ARHGAP6: variants seen among roughly 807,000 people sequenced by gnomAD.
The protein encoded by ARHGAP6 is rho GTPase-activating protein 6.
ARHGAP6 carries 16 observed loss-of-function variants against 55.7 expected under a neutral mutation model. The ratio of observed to expected loss-of-function variants is 0.29; its 90% confidence interval spans 0.19 to 0.44. The LOEUF (loss-of-function observed/expected upper bound fraction) is 0.44. Among genes scored for constraint, ARHGAP6 ranks in the 20% least tolerant of loss-of-function variants. The pLI is 1.00. For synonymous variants in ARHGAP6, 382 were observed against 360.9 expected (o/e 1.06, Z -0.66); for missense variants, 698 against 808.9 (o/e 0.86, Z 1.66).
chrX:11,227,549 C>A (rs1296443469), intron 2 of ARHGAP6, among the ~76,000 whole-genome samples: 1 of 111,079 alleles, frequency 9.0e-6, no homozygotes, highest in Non-Finnish European at 1.9e-5. Flanking sequence ...CTTCCTAACA[C>A]TCTCCCCTTT....
chrX:11,274,860 T>C (rs1310648152), intron 1 of ARHGAP6, among the ~76,000 whole-genome samples: 3 of 111,712 alleles, frequency 2.7e-5, no homozygotes, highest in African/African-American at 9.8e-5. Flanking sequence ...TAAAACTATG[T>C]TTGTGACATC....
intron 1 of ARHGAP6, among the ~76,000 whole-genome samples, chrX:11,579,370 A>G (rs902548546): frequency 8.0e-5 from 9 of 111,898 alleles, no homozygotes; most frequent in Non-Finnish European, 1.7e-4. Context: ...TGTTATCTGC[A>G]TGGTGATACT....
intron 1 of ARHGAP6, among the ~76,000 whole-genome samples, chrX:11,513,193 C>G (rs2050801304): frequency 9.0e-6 from 1 of 111,398 alleles, no homozygotes; most frequent in Non-Finnish European, 1.9e-5. Context: ...TAGGGCCCAG[C>G]TCTTAGAATA....
At chrX:11,202,070 A>C (rs1481009101) in intron 2 of ARHGAP6, among the ~76,000 whole-genome samples, 1 of 101,023 alleles carries the variant, frequency 9.9e-6, no homozygotes, top group African/African-American at 3.7e-5. Context: ...GGAAATACTC[A>C]GCAAGTATTG....
At chrX:11,271,891 T>C (rs2047697820) in intron 1 of ARHGAP6, among the ~76,000 whole-genome samples, 1 of 111,986 alleles carries the variant, frequency 8.9e-6, no homozygotes, top group African/African-American at 3.2e-5. Flanking sequence ...ATTTTCAGAA[T>C]CATCTTCCAA....
intron 1 of ARHGAP6, among the ~76,000 whole-genome samples, chrX:11,344,707 AAAG>A (rs2048755753): frequency 9.6e-6 from 1 of 104,312 alleles, no homozygotes; most frequent in African/African-American, 3.6e-5. Flanking sequence ...AAAAAAAAGA[AAAG>A]AAAGAAAAGA....
chrX:11,340,678 G>A (rs977765693), intron 1 of ARHGAP6, among the ~76,000 whole-genome samples: 3 of 107,021 alleles, frequency 2.8e-5, no homozygotes, highest in Non-Finnish European at 5.8e-5. Context: ...GCAGTGAGCC[G>A]AGATCGCGCC....
At chrX:11,620,908 G>C (rs1217718749) in intron 1 of ARHGAP6, among the ~76,000 whole-genome samples, 2 of 112,036 alleles carry the variant, frequency 1.8e-5, no homozygotes, top group African/African-American at 6.5e-5. Context: ...AGAAAACCTG[G>C]TTTATATGAA....
chrX:11,399,479 C>G (rs2049521670), intron 1 of ARHGAP6, among the ~76,000 whole-genome samples: 1 of 110,870 alleles, frequency 9.0e-6, no homozygotes, highest in Admixed American at 9.7e-5. Context: ...ATAATCAATC[C>G]TGAGGACAAA....
chrX:11,584,830 CA>C (rs10717352), intron 1 of ARHGAP6, among the ~76,000 whole-genome samples: 27,243 of 110,850 alleles, frequency 0.25, 2,616 homozygotes, highest in Middle Eastern at 0.32. Context: ...TGAAACTCAA[CA>C]AATATTTTAT....
At chrX:11,180,365 A>C (rs1379495552) in intron 6 of ARHGAP6, among the ~76,000 whole-genome samples, 1 of 110,822 alleles carries the variant, frequency 9.0e-6, no homozygotes, top group Non-Finnish European at 1.9e-5. Flanking sequence ...TCTTTCATCC[A>C]TCCATTCATT....
chrX:11,146,793 T>C (rs2045698101), intron 10 of ARHGAP6, among the ~76,000 whole-genome samples: 1 of 112,246 alleles, frequency 8.9e-6, no homozygotes, highest in South Asian at 3.7e-4. Flanking sequence ...ATTTGGTAGA[T>C]AGTGTTCAAC....
At chrX:11,241,571 T>TGCAC (rs796874137) in intron 2 of ARHGAP6, among the ~76,000 whole-genome samples, 1 of 101,963 alleles carries the variant, frequency 9.8e-6, no homozygotes, top group African/African-American at 3.7e-5. Context: ...TGTGTGTGTG[T>TGCAC]GTGCGCGTGT....
At chrX:11,517,716 G>C (rs2050858346) in intron 1 of ARHGAP6, among the ~76,000 whole-genome samples, 1 of 111,405 alleles carries the variant, frequency 9.0e-6, no homozygotes, top group Admixed American at 9.6e-5. Flanking sequence ...AACTAACACA[G>C]CAACAGAAAA....
chrX:11,485,775 G>A (rs1206745473), intron 1 of ARHGAP6, among the ~76,000 whole-genome samples: 2 of 111,561 alleles, frequency 1.8e-5, no homozygotes, highest in East Asian at 2.8e-4. Context: ...TTGCAGGTTC[G>A]TGAGGAAGGG....
intron 1 of ARHGAP6, among the ~76,000 whole-genome samples, chrX:11,472,844 G>C (rs193200134): frequency 1.2e-4 from 13 of 110,940 alleles, no homozygotes; most frequent in Admixed American, 9.6e-4. Context: ...TTCTCCTTTA[G>C]GTGTCTGCCA....
At chrX:11,290,402 G>A (rs747404985) in intron 1 of ARHGAP6, 2 of 380,372 alleles carry the variant, frequency 5.3e-6, no homozygotes, top group South Asian at 4.9e-5. Context: ...AAGGGTTGCG[G>A]TGGGGTCAAA....
At chrX:11,554,464 T>A (rs1034961515) in intron 1 of ARHGAP6, among the ~76,000 whole-genome samples, 21 of 112,103 alleles carry the variant, frequency 1.9e-4, no homozygotes, top group African/African-American at 6.8e-4. Context: ...TCCCAACACA[T>A]AGAGATCATA....
chrX:11,400,999 G>A (rs2049541590), intron 1 of ARHGAP6, among the ~76,000 whole-genome samples: 1 of 112,536 alleles, frequency 8.9e-6, no homozygotes, highest in Non-Finnish European at 1.9e-5. Flanking sequence ...TTGCATAGCA[G>A]AATTGCTATT....
Sources: allele counts gnomAD v4.1 joint callset (sites outside exome capture counted in the v4.1 genomes callset), GRCh38; gene constraint gnomAD v4.1.1; transcripts MANE v1.5; gene names NCBI Gene and HGNC (gene_info 2026-07-23, HGNC 2026-07-21).